DAB1: variants seen among roughly 807,000 people sequenced by gnomAD.
DAB1 encodes disabled homolog 1.
A neutral mutation model predicts 64.6 loss-of-function variants in DAB1; 15 were observed. The ratio of observed to expected loss-of-function variants is 0.23; its 90% confidence interval spans 0.16 to 0.36. DAB1 has a LOEUF of 0.36. Ranked by LOEUF, DAB1 falls within the 10% of genes least tolerant of loss-of-function variation. DAB1 has a pLI of 1.00. For missense variants in DAB1, 596 were observed against 706.7 expected (o/e 0.84, Z 1.78); for synonymous variants, 235 against 251.9 (o/e 0.93, Z 0.64).
At chr1:58,088,341 C>A (rs1186525786) in intron 5 of DAB1, among the ~76,000 whole-genome samples, 1 of 152,180 alleles carries the variant, frequency 6.6e-6, no homozygotes, top group Non-Finnish European at 1.5e-5. Flanking sequence ...TGAAACGAAT[C>A]CAAGTGGTAG....
chr1:58,118,517 CACACAT>C (rs1285935824), intron 5 of DAB1, among the ~76,000 whole-genome samples: 1 of 115,638 alleles, frequency 8.6e-6, no homozygotes, highest in South Asian at 2.8e-4. Context: ...CACACACACA[CACACAT>C]ATATATATAT....
intron 6 of DAB1, among the ~76,000 whole-genome samples, chr1:57,650,889 C>T (rs1646248573): frequency 6.6e-6 from 1 of 152,056 alleles, no homozygotes; most frequent in Non-Finnish European, 1.5e-5. Context: ...GTTTTTATGC[C>T]TTATTAAACT....
intron 2 of DAB1, among the ~76,000 whole-genome samples, chr1:57,246,539 T>A (rs916211466): frequency 1.3e-5 from 2 of 152,156 alleles, no homozygotes; most frequent in African/African-American, 4.8e-5. Flanking sequence ...AAGAACCTAG[T>A]GCAGAGGGAA....
chr1:57,308,334 T>C (rs1674377155), intron 1 of DAB1, among the ~76,000 whole-genome samples: 1 of 152,170 alleles, frequency 6.6e-6, no homozygotes, highest in Non-Finnish European at 1.5e-5. Flanking sequence ...GGAATGGATA[T>C]ATGATCAGAA....
chr1:57,585,227 C>T (rs4417094), intron 7 of DAB1, among the ~76,000 whole-genome samples: 9 of 108,318 alleles, frequency 8.3e-5, no homozygotes, highest in East Asian at 3.2e-4. Context: ...CCAGCCTGGG[C>T]GACAGGATGA....
At chr1:58,210,085 C>T (rs1658478711) in intron 4 of DAB1, among the ~76,000 whole-genome samples, 1 of 152,172 alleles carries the variant, frequency 6.6e-6, no homozygotes, top group Admixed American at 6.5e-5. Context: ...CTTCTACATA[C>T]ATTTTCAAAT....
intron 4 of DAB1, among the ~76,000 whole-genome samples, chr1:58,311,494 G>T (rs1485532868): frequency 6.6e-6 from 1 of 152,144 alleles, no homozygotes; most frequent in Non-Finnish European, 1.5e-5. Context: ...AGCTTTAGAG[G>T]TCTACCATTC....
intron 3 of DAB1, among the ~76,000 whole-genome samples, chr1:58,409,564 A>T (rs1644647630): frequency 6.6e-6 from 1 of 152,162 alleles, no homozygotes; most frequent in African/African-American, 2.4e-5. Context: ...TTTGTCTGAG[A>T]TGAGGTAGTG....
chr1:58,499,485 GATAGATAGATAGATAGATAGATAA>G (rs1208678606), intron 3 of DAB1, among the ~76,000 whole-genome samples: 1 of 147,814 alleles, frequency 6.8e-6, no homozygotes, highest in Non-Finnish European at 1.5e-5. Context: ...ACTATAGATA[GATAGATAGATAGATAGATAGATAA>G]ATAGATAGAT....
chr1:58,320,920 T>G, intron 4 of DAB1, among the ~76,000 whole-genome samples: 1 of 152,206 alleles, frequency 6.6e-6, no homozygotes, highest in East Asian at 1.9e-4. Flanking sequence ...CTCATTCTCC[T>G]CCTCCCTCTC....
At chr1:58,511,793 G>A (rs759470937) in intron 2 of DAB1, among the ~76,000 whole-genome samples, 2 of 152,076 alleles carry the variant, frequency 1.3e-5, no homozygotes, top group Non-Finnish European at 2.9e-5. Flanking sequence ...AGATTTAAAC[G>A]TAAGACCTAA....
Position 57,192,625 on chromosome 1 carries a change from G to A in DAB1, c.68-47196C>T, listed in dbSNP as rs568941447. ...CATTTTTCTTTCTTATTATAGTACT[G>A]CAATCTCCCTTCTGTGTTCTCTACC... On this transcript the variant is annotated intron_variant, in intron 2 of 14. Coordinates refer to ENST00000371236, the MANE Select transcript of DAB1 (RefSeq NM_001365792.1). Among the ~76,000 whole-genome samples, 3 of 152,220 alleles carry A rather than the reference G, an allele frequency of 2.0e-5. No individual in the cohort carries two copies. In the South Asian group the frequency reaches 6.2e-4, roughly 32 times the overall value.
At chr1:57,445,600 A>G (rs1375393327) in intron 7 of DAB1, among the ~76,000 whole-genome samples, 1 of 152,222 alleles carries the variant, frequency 6.6e-6, no homozygotes, top group Non-Finnish European at 1.5e-5. Flanking sequence ...ATTGTAAGAT[A>G]AAAAATTTTA....
At chr1:57,104,546 A>G (rs370113153) in intron 4 of DAB1, among the ~76,000 whole-genome samples, 5 of 152,328 alleles carry the variant, frequency 3.3e-5, no homozygotes, top group African/African-American at 9.6e-5. Context: ...TCTATGCCCT[A>G]TGGTTGGGAA....
chr1:57,488,205 C>G (rs1298972032), intron 7 of DAB1, among the ~76,000 whole-genome samples: 2 of 152,014 alleles, frequency 1.3e-5, no homozygotes, highest in Admixed American at 6.6e-5. Context: ...AGATAGAGAC[C>G]ACCCTGGCTA....
At chr1:58,380,576 T>C (rs1014135372) in intron 3 of DAB1, among the ~76,000 whole-genome samples, 1 of 152,228 alleles carries the variant, frequency 6.6e-6, no homozygotes, top group Non-Finnish European at 1.5e-5. Context: ...TAGTAGGTTA[T>C]TCTGTCCCCT....
rs772989513 is a variant in DAB1 at position 57,207,446 on chromosome 1, C to CTTTTTTT, written c.68-62024_68-62018dup. Among the ~76,000 whole-genome samples the CTTTTTTT allele has an allele frequency of 3.7e-4, 36 of 98,446 alleles. 2 individuals are homozygous for CTTTTTTT. The highest frequency in any genetic ancestry group is 8.1e-4 in the East Asian group (3 of 3,704). 64.6% of individuals were successfully genotyped at this position (98,446 alleles called of 152,430 possible). On this transcript the variant is annotated intron_variant, in intron 2 of 14. Transcript: ENST00000371236. Reference sequence around the variant, plus strand: ...CTGTAATTCATACCTTATTTCCTTTCTTTTTTTTTTTTTTTGAGATGGAGT... The same window carrying CTTTTTTT: ...CTGTAATTCATACCTTATTTCCTTTCTTTTTTTTTTTTTTTTTTTTTTGAGATGGAGT...
chr1:57,579,374 T>C (rs1442908893), intron 7 of DAB1, among the ~76,000 whole-genome samples: 1 of 152,164 alleles, frequency 6.6e-6, no homozygotes, highest in Non-Finnish European at 1.5e-5. Context: ...CTTCAGACCC[T>C]GGGAGTACAG....
At chr1:58,054,961 A>C (rs1647965029) in intron 5 of DAB1, among the ~76,000 whole-genome samples, 1 of 152,258 alleles carries the variant, frequency 6.6e-6, no homozygotes, top group Admixed American at 6.5e-5. Context: ...ACTCAGCAGC[A>C]GGTGGCCTGA....
Sources: gnomAD v4.1 joint callset for allele counts (sites outside exome capture counted in the v4.1 genomes callset) on GRCh38, gnomAD v4.1.1 for gene constraint, MANE v1.5 for transcripts, NCBI Gene and HGNC (gene_info 2026-07-23, HGNC 2026-07-21) for gene names.